The following GPHN variants were observed in gnomAD, a reference collection of about 807,000 sequenced individuals.
The protein encoded by GPHN is gephyrin.
A neutral mutation model predicts 95.5 loss-of-function variants in GPHN; 17 were observed. The ratio of observed to expected loss-of-function variants is 0.18; its 90% CI spans 0.12 to 0.27. The LOEUF (loss-of-function observed/expected upper bound fraction) is 0.27. Among genes scored for constraint, GPHN ranks in the 10% least tolerant of loss-of-function variants. The pLI, the probability that GPHN is intolerant of heterozygous loss-of-function variation, is 1.00. For missense variants in GPHN, 660 were observed against 978.1 expected, an observed-to-expected ratio of 0.67 and a Z score of 4.34; for synonymous variants, 320 against 322.5, an observed-to-expected ratio of 0.99 and a Z score of 0.08.
rs78057542 is a variant in GPHN, at chr14:66,550,171, T to C, written c.64+41580T>C. ...CTACCATAGATAGTAATTCCTTTGA[T>C]GGATCTGAGCAAAGTAAGTGAAAAA... On this transcript the variant is annotated intron_variant, in intron 1 of 22. Coordinates refer to ENST00000478722, the MANE Select transcript of GPHN (RefSeq NM_020806.5). Among the ~76,000 whole-genome samples, 1,201 of 152,324 alleles carry C rather than the reference T, an allele frequency of 7.9e-3. 8 individuals are homozygous for C. The highest frequency in any genetic ancestry group is 0.028 in the African/African-American group (1,146 of 41,562).
chr14:66,553,964 T>G (rs931398017), intron 1 of GPHN, among the ~76,000 whole-genome samples: 2 of 152,240 alleles, frequency 1.3e-5, no homozygotes, highest in Admixed American at 6.5e-5. Flanking sequence ...TCTAAATTAT[T>G]GATTTTTAAC....
chr14:67,334,245 T>G, the GPHN span: 1 of 152,562 alleles, frequency 6.6e-6, no homozygotes, highest in Admixed American at 6.6e-5. Context: ...AAAGAAACAT[T>G]TAAGCTAATA....
At chr14:67,651,063 C>T in the GPHN span, 1 of 1,082,730 alleles carries the variant, frequency 9.2e-7, no homozygotes. Flanking sequence ...TAAAGTTTCC[C>T]CTCTATTTTG....
rs147957404 is a variant in GPHN, at chr14:66,989,970, C to T, written c.963+24645C>T. ...ACACACAAGAACAAGTGTATTAGTC[C>T]ATTTCCACATTGCCATAAAGATACT... On this transcript the variant is annotated intron_variant, in intron 9 of 22. Coordinates refer to ENST00000478722, the MANE Select transcript of GPHN (RefSeq NM_020806.5). Among the ~76,000 whole-genome samples the T allele has an allele frequency of 3.0e-3, 458 of 152,160 alleles. 3 individuals carry two copies. Among genetic ancestry groups the T allele is most frequent in the African/African-American group, 0.011 (440 of 41,536 alleles).
intron 8 of GPHN, among the ~76,000 whole-genome samples, chr14:66,933,966 C>G (rs1300937504): frequency 6.6e-6 from 1 of 151,706 alleles, no homozygotes; most frequent in Non-Finnish European, 1.5e-5. Flanking sequence ...TGGCAAAACC[C>G]CATCTCTACT....
At chr14:66,883,222 G>A (rs987764742) in intron 5 of GPHN, among the ~76,000 whole-genome samples, 2 of 151,610 alleles carry the variant, frequency 1.3e-5, no homozygotes, top group Non-Finnish European at 3.0e-5. Context: ...TTTTTACTCT[G>A]TATTAATTTT....
the GPHN span, among the ~76,000 whole-genome samples, chr14:67,492,219 C>G: frequency 6.6e-6 from 1 of 152,302 alleles, no homozygotes; most frequent in Non-Finnish European, 1.5e-5. Flanking sequence ...CCATTCCCAC[C>G]CCCGGCAATC....
chr14:67,240,393 G>A, the GPHN span, among the ~76,000 whole-genome samples: 1 of 152,148 alleles, frequency 6.6e-6, no homozygotes, highest in Non-Finnish European at 1.5e-5. Context: ...GACAAAATGA[G>A]GAAAACCGAG....
intron 1 of GPHN, among the ~76,000 whole-genome samples, chr14:66,561,868 G>A (rs1343083010): frequency 1.3e-5 from 2 of 152,036 alleles, no homozygotes; most frequent in Non-Finnish European, 1.5e-5. Context: ...TCTTTCTGGG[G>A]GCTCGCAGGG....
At chr14:67,306,287 T>C in the GPHN span, among the ~76,000 whole-genome samples, 10 of 151,494 alleles carry the variant, frequency 6.6e-5, no homozygotes, top group Non-Finnish European at 1.2e-4. Flanking sequence ...ATATTTAAAG[T>C]AGGGATCTTT....
intron 5 of GPHN, among the ~76,000 whole-genome samples, chr14:66,901,731 G>C (rs978052408): frequency 6.6e-6 from 1 of 151,792 alleles, no homozygotes; most frequent in African/African-American, 2.4e-5. Context: ...CATTGGTCTC[G>C]CATATCTGTT....
the GPHN span, among the ~76,000 whole-genome samples, chr14:67,513,282 T>C: frequency 1.3e-4 from 20 of 152,302 alleles, no homozygotes; most frequent in African/African-American, 4.3e-4. Flanking sequence ...CAGTGGGGAA[T>C]TGAGTGAAAT....
At chr14:67,446,064 G>C in the GPHN span, 1 of 517,908 alleles carries the variant, frequency 1.9e-6, no homozygotes, top group East Asian at 5.5e-5. Context: ...TAGAGGGTCT[G>C]GAATATACAA....
chr14:67,443,043 A>G, the GPHN span, among the ~76,000 whole-genome samples: 1 of 151,952 alleles, frequency 6.6e-6, no homozygotes, highest in Non-Finnish European at 1.5e-5. Flanking sequence ...AACAATGGTA[A>G]AACCCTGTCT....
intron 4 of GPHN, among the ~76,000 whole-genome samples, chr14:66,833,262 A>G (rs970973635): frequency 6.6e-6 from 1 of 152,178 alleles, no homozygotes; most frequent in African/African-American, 2.4e-5. Context: ...GGCAGCAAGT[A>G]GAAGTACAGA....
At chr14:67,643,852 TAAAAAAAAA>T in the GPHN span, among the ~76,000 whole-genome samples, 18 of 81,216 alleles carry the variant, frequency 2.2e-4, no homozygotes, top group African/African-American at 5.9e-4. Flanking sequence ...TCCTTGGGAG[TAAAAAAAAA>T]AAAAAAAAAA....
At chr14:67,156,015 G>A (rs1479172089) in intron 18 of GPHN, among the ~76,000 whole-genome samples, 2 of 152,164 alleles carry the variant, frequency 1.3e-5, no homozygotes, top group Non-Finnish European at 2.9e-5. Context: ...CATCAAAAAT[G>A]TACTTCAAAA....
the GPHN span, among the ~76,000 whole-genome samples, chr14:67,353,262 G>A: frequency 6.6e-6 from 1 of 152,178 alleles, no homozygotes; most frequent in Non-Finnish European, 1.5e-5. Flanking sequence ...GTTGGGAGGT[G>A]GGACCATCAA....
chr14:67,508,095 A>C, the GPHN span, among the ~76,000 whole-genome samples: 3 of 149,996 alleles, frequency 2.0e-5, no homozygotes, highest in African/African-American at 7.4e-5. Context: ...CCGAAGTCAC[A>C]TTGCACTCCA....
Sources: gnomAD v4.1 joint callset for allele counts (sites outside exome capture counted in the v4.1 genomes callset) on GRCh38, gnomAD v4.1.1 for gene constraint, MANE v1.5 for transcripts, NCBI Gene and HGNC (gene_info 2026-07-23, HGNC 2026-07-21) for gene names.